The following SORCS3 variants were observed in gnomAD, a reference collection of about 807,000 sequenced individuals.
SORCS3 encodes the protein VPS10 domain-containing receptor SorCS3.
Under a neutral mutation model 146.3 loss-of-function variants are expected in SORCS3, and 57 were observed. That is an observed-to-expected ratio of 0.39 (90% CI 0.31 to 0.49). SORCS3 has a LOEUF of 0.49. Among genes scored for constraint, SORCS3 ranks in the 20% least tolerant of loss-of-function variants. The probability of loss-of-function intolerance (pLI) is 0.92; values close to 1 mark genes in which losing one functional copy is unlikely to be tolerated. For synonymous variants in SORCS3, 653 were observed against 618.5 expected (o/e 1.06, Z -0.83); for missense variants, 1,341 against 1,575.5 (o/e 0.85, Z 2.52).
chr10:105,083,969 C>G (rs1200681364), intron 5 of SORCS3, among the ~76,000 whole-genome samples: 1 of 152,182 alleles, frequency 6.6e-6, no homozygotes, highest in Non-Finnish European at 1.5e-5. Context: ...AGAAGTTAAG[C>G]TTATGGCTCA....
At chr10:105,255,205 A>G (rs1241097663) in intron 23 of SORCS3, among the ~76,000 whole-genome samples, 2 of 151,398 alleles carry the variant, frequency 1.3e-5, no homozygotes, top group African/African-American at 4.8e-5. Flanking sequence ...AAAAAAAAAA[A>G]AAAAAAGTGG....
intron 1 of SORCS3, among the ~76,000 whole-genome samples, chr10:104,777,370 C>T (rs964167443): frequency 2.0e-5 from 3 of 152,198 alleles, no homozygotes; most frequent in Admixed American, 2.0e-4. Context: ...GGGGATGAGA[C>T]CCCAACATGC....
chr10:105,185,317 A>G (rs2056468401), intron 14 of SORCS3, among the ~76,000 whole-genome samples: 1 of 152,200 alleles, frequency 6.6e-6, no homozygotes, highest in Non-Finnish European at 1.5e-5. Flanking sequence ...ACTTTTTCCA[A>G]TGGAGCCCAC....
chr10:104,847,424 G>A (rs998910469), intron 2 of SORCS3, among the ~76,000 whole-genome samples: 1 of 152,146 alleles, frequency 6.6e-6, no homozygotes, highest in Non-Finnish European at 1.5e-5. Flanking sequence ...CTTCTGGAGG[G>A]AAATGAGTTA....
chr10:104,767,306 T>C (rs2017192156), intron 1 of SORCS3, among the ~76,000 whole-genome samples: 1 of 152,024 alleles, frequency 6.6e-6, no homozygotes, highest in Non-Finnish European at 1.5e-5. Flanking sequence ...ATGGAAAAAA[T>C]GACCTTCTCA....
At chr10:104,706,780 A>G (rs966487057) in intron 1 of SORCS3, among the ~76,000 whole-genome samples, 4 of 152,220 alleles carry the variant, frequency 2.6e-5, no homozygotes, top group African/African-American at 9.6e-5. Flanking sequence ...ATACCTACAT[A>G]AACATGTATA....
At chr10:104,887,207 T>TA (rs948683946) in intron 2 of SORCS3, among the ~76,000 whole-genome samples, 1 of 152,188 alleles carries the variant, frequency 6.6e-6, no homozygotes, top group African/African-American at 2.4e-5. Flanking sequence ...GACTTCAGGA[T>TA]AAAAAATGGT....
At chr10:105,093,143 C>T (rs535759722) in intron 6 of SORCS3, among the ~76,000 whole-genome samples, 6 of 152,074 alleles carry the variant, frequency 3.9e-5, no homozygotes, top group Admixed American at 1.3e-4. Flanking sequence ...ATAACACATT[C>T]GGTGTAGAAA....
intron 1 of SORCS3, among the ~76,000 whole-genome samples, chr10:104,655,618 A>G (rs2015618841): frequency 6.6e-6 from 1 of 152,240 alleles, no homozygotes; most frequent in Non-Finnish European, 1.5e-5. Context: ...TTAAATTGTA[A>G]TCCCCATTGT....
chr10:105,079,852 CTCT>C (rs1564748978), intron 5 of SORCS3, among the ~76,000 whole-genome samples: 8 of 152,106 alleles, frequency 5.3e-5, no homozygotes, highest in African/African-American at 1.7e-4. Context: ...GAAGAATTAC[CTCT>C]AGCTCCATCC....
chr10:104,991,334 A>G (rs1430859197), intron 4 of SORCS3, among the ~76,000 whole-genome samples: 1 of 152,078 alleles, frequency 6.6e-6, no homozygotes, highest in African/African-American at 2.4e-5. Context: ...GAGGCCATAC[A>G]TTTCTGAGAT....
chr10:104,757,596 G>A (rs976998270), intron 1 of SORCS3, among the ~76,000 whole-genome samples: 3 of 152,158 alleles, frequency 2.0e-5, no homozygotes, highest in Non-Finnish European at 4.4e-5. Flanking sequence ...GAGGGCTGCT[G>A]TTTTATTGTT....
chr10:104,998,858 G>A (rs576705241), intron 4 of SORCS3, among the ~76,000 whole-genome samples: 16 of 152,212 alleles, frequency 1.1e-4, no homozygotes, highest in African/African-American at 3.1e-4. Flanking sequence ...GTCACAAGCT[G>A]GGGTTCGGAC....
chr10:105,131,444 C>T (rs1020974674), intron 7 of SORCS3, among the ~76,000 whole-genome samples: 1 of 152,144 alleles, frequency 6.6e-6, no homozygotes, highest in African/African-American at 2.4e-5. Flanking sequence ...CGACAGCTCT[C>T]GTGTAAGCCC....
At chr10:104,881,714 G>A (rs2018631876) in intron 2 of SORCS3, among the ~76,000 whole-genome samples, 2 of 152,122 alleles carry the variant, frequency 1.3e-5, no homozygotes, top group South Asian at 4.1e-4. Context: ...ACGGATGATT[G>A]AAGAAGTGTG....
intron 1 of SORCS3, among the ~76,000 whole-genome samples, chr10:104,795,639 T>C (rs2017546272): frequency 6.6e-6 from 1 of 152,206 alleles, no homozygotes; most frequent in Admixed American, 6.5e-5. Flanking sequence ...CTAAATCCGG[T>C]ATTTCAGCAC....
chr10:104,727,010 G>A (rs898966198), intron 1 of SORCS3, among the ~76,000 whole-genome samples: 6 of 152,172 alleles, frequency 3.9e-5, no homozygotes, highest in Non-Finnish European at 7.4e-5. Context: ...CTGATTGTCT[G>A]TCCATCCATA....
At chr10:104,918,334 C>T (rs2019053845) in intron 3 of SORCS3, among the ~76,000 whole-genome samples, 1 of 152,100 alleles carries the variant, frequency 6.6e-6, no homozygotes, top group Admixed American at 6.6e-5. Context: ...ACTCACATAG[C>T]CAGATAGAAA....
intron 7 of SORCS3, among the ~76,000 whole-genome samples, chr10:105,107,263 A>G (rs534805059): frequency 2.0e-5 from 3 of 148,522 alleles, no homozygotes; most frequent in African/African-American, 7.4e-5. Context: ...CTTTTATTCC[A>G]TTCTCATTGT....
Sources: gnomAD v4.1 joint callset for allele counts (sites outside exome capture counted in the v4.1 genomes callset) on GRCh38, gnomAD v4.1.1 for gene constraint, MANE v1.5 for transcripts, NCBI Gene and HGNC (gene_info 2026-07-23, HGNC 2026-07-21) for gene names.